The following KCNIP1 variants were observed in gnomAD, a reference collection of about 807,000 sequenced individuals.
The protein encoded by KCNIP1 is A-type potassium channel modulatory protein KCNIP1.
In KCNIP1, 18 loss-of-function variants were observed where a neutral mutation model predicts 33.0. The ratio of observed to expected loss-of-function variants is 0.55; its 90% CI spans 0.38 to 0.81. The LOEUF (loss-of-function observed/expected upper bound fraction) is 0.81, where lower values mean the gene tolerates loss of function less well. KCNIP1 is among the 30% of genes least tolerant of loss of function. The pLI is 0.00. For synonymous variants in KCNIP1, 93 were observed against 98.3 expected (o/e 0.95, Z 0.32); for missense variants, 238 against 271.6 (o/e 0.88, Z 0.87).
chr5:170,393,608 A>C (rs1375033491), intron 1 of KCNIP1, among the ~76,000 whole-genome samples: 32 of 152,244 alleles, frequency 2.1e-4, no homozygotes, highest in Admixed American at 2.1e-3. Context: ...ACAGTAATAA[A>C]AGGCAGAGGA....
intron 1 of KCNIP1, among the ~76,000 whole-genome samples, chr5:170,616,714 A>G (rs1759387420): frequency 6.6e-6 from 1 of 152,102 alleles, no homozygotes; most frequent in Admixed American, 6.5e-5. Flanking sequence ...TGCTGCCCCA[A>G]AGGAAGCCAC....
intron 1 of KCNIP1, among the ~76,000 whole-genome samples, chr5:170,635,256 C>A (rs770546531): frequency 6.6e-6 from 1 of 152,200 alleles, no homozygotes; most frequent in Non-Finnish European, 1.5e-5. Flanking sequence ...TCTCAAACAC[C>A]TGACCTCAAG....
chr5:170,362,198 C>A (rs562922675), intron 1 of KCNIP1, among the ~76,000 whole-genome samples: 1 of 152,136 alleles, frequency 6.6e-6, no homozygotes, highest in African/African-American at 2.4e-5. Context: ...GAGCTTCAGA[C>A]GGGGGACCGG....
intron 1 of KCNIP1, among the ~76,000 whole-genome samples, chr5:170,410,378 T>C (rs1026442838): frequency 6.6e-6 from 1 of 150,840 alleles, no homozygotes; most frequent in Non-Finnish European, 1.5e-5. Flanking sequence ...TGCACCTGGG[T>C]CCCCCATGCA....
intron 1 of KCNIP1, among the ~76,000 whole-genome samples, chr5:170,576,929 C>T (rs139669074): frequency 1.3e-5 from 2 of 152,250 alleles, no homozygotes; most frequent in East Asian, 3.9e-4. Context: ...CTGGTCGATT[C>T]GTCTTTTCAA....
At chr5:170,605,709 C>G (rs984785952) in intron 1 of KCNIP1, among the ~76,000 whole-genome samples, 1 of 151,042 alleles carries the variant, frequency 6.6e-6, no homozygotes, top group Non-Finnish European at 1.5e-5. Context: ...GCTTCTTTCT[C>G]TCAGCACCAT....
intron 1 of KCNIP1, among the ~76,000 whole-genome samples, chr5:170,651,882 AC>A (rs1214851636): frequency 6.6e-6 from 1 of 152,194 alleles, no homozygotes; most frequent in Non-Finnish European, 1.5e-5. Flanking sequence ...GTATTGCAAT[AC>A]TATTTTATTT....
intron 1 of KCNIP1, among the ~76,000 whole-genome samples, chr5:170,652,656 G>A (rs1561743370): frequency 6.6e-6 from 1 of 152,200 alleles, no homozygotes; most frequent in East Asian, 1.9e-4. Flanking sequence ...ATTGTGGAAG[G>A]CTGCAGGTTT....
intron 1 of KCNIP1, chr5:170,378,371 C>T (rs1705902939): frequency 4.2e-6 from 1 of 240,848 alleles, no homozygotes; most frequent in Non-Finnish European, 8.0e-6. Flanking sequence ...AGAACTCAGG[C>T]ACAGAGGTGA....
rs182764976 is a variant in KCNIP1, at chr5:170,586,738, A to G, written c.61+82105A>G. ...TATTGCTGTTGCTACTCTTGTCAGTATATTTCTGATCTCCCCAACTTACAG... is the reference window on the plus strand; with the variant it reads ...TATTGCTGTTGCTACTCTTGTCAGTGTATTTCTGATCTCCCCAACTTACAG... On this transcript the variant is annotated intron_variant, in intron 1 of 7. Transcript: ENST00000328939. Among the ~76,000 whole-genome samples, 47 of 152,338 alleles carry G rather than the reference A, an allele frequency of 3.1e-4. No individual in the cohort carries two copies. The South Asian group carries it at 8.9e-3, about 29-fold the overall frequency.
intron 1 of KCNIP1, among the ~76,000 whole-genome samples, chr5:170,611,300 C>T (rs148149056): frequency 4.0e-4 from 61 of 152,324 alleles, no homozygotes; most frequent in African/African-American, 1.4e-3. Context: ...AGGGACTTGG[C>T]TTGCCCTGGA....
intron 1 of KCNIP1, among the ~76,000 whole-genome samples, chr5:170,408,639 A>G (rs935489358): frequency 2.0e-5 from 3 of 152,200 alleles, no homozygotes; most frequent in African/African-American, 7.2e-5. Flanking sequence ...TAATTGGCAT[A>G]GTTTGAGTGA....
intron 1 of KCNIP1, among the ~76,000 whole-genome samples, chr5:170,490,504 G>C (rs1327823460): frequency 1.3e-5 from 2 of 152,106 alleles, no homozygotes; most frequent in Non-Finnish European, 2.9e-5. Flanking sequence ...TATAAAACTG[G>C]TTAGATCCAA....
intron 1 of KCNIP1, among the ~76,000 whole-genome samples, chr5:170,654,954 A>G (rs1761201923): frequency 6.6e-6 from 1 of 152,226 alleles, no homozygotes; most frequent in Non-Finnish European, 1.5e-5. Context: ...GCCAATCTTA[A>G]ATTCAGAACA....
At chr5:170,439,613 A>C (rs12520312) in intron 1 of KCNIP1, among the ~76,000 whole-genome samples, 1 of 152,032 alleles carries the variant, frequency 6.6e-6, no homozygotes, top group South Asian at 2.1e-4. Context: ...TCATCTACGC[A>C]AGCCTTGGGA....
chr5:170,412,128 G>T (rs150758031), intron 1 of KCNIP1, among the ~76,000 whole-genome samples: 1 of 152,212 alleles, frequency 6.6e-6, no homozygotes, highest in Admixed American at 6.5e-5. Context: ...CATAACAAAC[G>T]GACTGTGGGT....
intron 1 of KCNIP1, among the ~76,000 whole-genome samples, chr5:170,673,968 A>G (rs1015188719): frequency 6.6e-6 from 1 of 152,102 alleles, no homozygotes; most frequent in Non-Finnish European, 1.5e-5. Context: ...AGATCCTGTG[A>G]CACAGCAGTT....
At chr5:170,385,693 TAAAGTGA>T (rs1554088416) in intron 1 of KCNIP1, among the ~76,000 whole-genome samples, 1 of 151,928 alleles carries the variant, frequency 6.6e-6, no homozygotes, top group South Asian at 2.1e-4. Context: ...CTCAGAGAGG[TAAAGTGA>T]CTTGCCCTAG....
intron 1 of KCNIP1, among the ~76,000 whole-genome samples, chr5:170,445,424 G>A (rs1323632753): frequency 6.6e-6 from 1 of 152,244 alleles, no homozygotes; most frequent in African/African-American, 2.4e-5. Context: ...CCATGGCTGC[G>A]AGTGAGAGGA....
Sources: gnomAD v4.1 joint callset for allele counts (sites outside exome capture counted in the v4.1 genomes callset) on GRCh38, gnomAD v4.1.1 for gene constraint, MANE v1.5 for transcripts, NCBI Gene and HGNC (gene_info 2026-07-23, HGNC 2026-07-21) for gene names.